Variants in KDM5A observed in about 807,000 individuals in gnomAD.
KDM5A encodes lysine demethylase 5A.
In KDM5A, 42 loss-of-function variants were observed where a neutral mutation model predicts 193.5. That is an observed-to-expected ratio of 0.22 (90% CI 0.17 to 0.28). The LOEUF is 0.28. Among genes scored for constraint, KDM5A ranks in the 10% least tolerant of loss-of-function variants. The pLI, the probability that KDM5A is intolerant of heterozygous loss-of-function variation, is 1.00. For synonymous variants in KDM5A, 796 were observed against 718.1 expected (o/e 1.11, Z -1.73); for missense variants, 1,692 against 2,055.1 (o/e 0.82, Z 3.42).
chr12:328,756 A>G, intron 14 of KDM5A, 79 bp downstream of exon 14: 1 of 1,282,968 alleles, frequency 7.8e-7, no homozygotes, highest in Middle Eastern at 2.6e-4. Context: ...GGGATAAGGG[A>G]TGAAAATTCT....
chr12:325,978 C>T (rs1430956455), intron 14 of KDM5A, among the ~76,000 whole-genome samples: 1 of 152,198 alleles, frequency 6.6e-6, no homozygotes, highest in East Asian at 1.9e-4. Context: ...CGTGCAACTG[C>T]ACTCCAACCT....
At chr12:334,549 C>T (rs1943903619) in intron 10 of KDM5A, 127 bp from the exon 11 acceptor site, 3 of 701,292 alleles carry the variant, frequency 4.3e-6, no homozygotes, top group Non-Finnish European at 2.5e-6. Context: ...ACAATCTGTG[C>T]TCTTTGCTAT....
chr12:312,357 G>C (rs1435586056), intron 20 of KDM5A, among the ~76,000 whole-genome samples: 1 of 152,060 alleles, frequency 6.6e-6, no homozygotes, highest in African/African-American at 2.4e-5. Context: ...CAAACATCTA[G>C]AATAGTAGCA....
intron 3 of KDM5A, among the ~76,000 whole-genome samples, chr12:372,747 T>C (rs865930690): frequency 2.0e-5 from 3 of 152,200 alleles, no homozygotes; most frequent in Non-Finnish European, 4.4e-5. Flanking sequence ...ATAGCTCTTA[T>C]TATTTTGACA....
chr12:300,269 C>T (rs1376732092), intron 24 of KDM5A, among the ~76,000 whole-genome samples: 1 of 152,116 alleles, frequency 6.6e-6, no homozygotes, highest in Non-Finnish European at 1.5e-5. Context: ...CTAAAATTGA[C>T]CCCATAATTG....
At chr12:340,108 A>G (rs893606085) in intron 10 of KDM5A, among the ~76,000 whole-genome samples, 2 of 151,728 alleles carry the variant, frequency 1.3e-5, no homozygotes, top group African/African-American at 4.8e-5. Context: ...GACCTCCTAG[A>G]CTCAAAAGAT....
chr12:350,658 A>T lies in KDM5A; in HGVS notation c.1271T>A (p.Val424Glu). The T allele has an allele frequency of 6.2e-7, 1 of 1,614,072 alleles. No individual in the cohort carries two copies. The highest frequency in any genetic ancestry group is 8.5e-7 in the Non-Finnish European group (1 of 1,179,990). The change falls in exon 10 of 28, where the codon GTG becomes GAG. Residue 424 changes from valine (V) to glutamate (E), a missense_variant. Physicochemically the swap from Val to Glu is moderately radical, Grantham distance 121. This residue lies in a region of KDM5A where 172 missense variants were observed against 260.3 expected (regional missense o/e 0.66). Coordinates refer to ENST00000399788, the MANE Select transcript of KDM5A (RefSeq NM_001042603.3). ...CAGAATCTTTCTCCGCCCATCCTTC[A>T]CCGGAAATCCACTTCCAAAGTCTTT... Reference protein sequence around the residue: ...SSKDFGSGFPVKDGRRKILPE... With the variant: ...SSKDFGSGFPEKDGRRKILPE...
At chr12:339,727 T>TA (rs1296524367) in intron 10 of KDM5A, among the ~76,000 whole-genome samples, 1 of 152,114 alleles carries the variant, frequency 6.6e-6, no homozygotes, top group Non-Finnish European at 1.5e-5. Context: ...CTATGTTACA[T>TA]AAAAAATAAT....
chr12:337,080 T>C (rs1486408408), intron 10 of KDM5A, among the ~76,000 whole-genome samples: 2 of 152,160 alleles, frequency 1.3e-5, no homozygotes, highest in Non-Finnish European at 2.9e-5. Context: ...GTTCTCACAA[T>C]AGTGAGTTCT....
chr12:357,506 A>C (rs1460787789), intron 5 of KDM5A, among the ~76,000 whole-genome samples: 1 of 151,868 alleles, frequency 6.6e-6, no homozygotes, highest in Non-Finnish European at 1.5e-5. Context: ...TGTCTTTAAA[A>C]AAAAAAAGAG....
At position 309,979 on chromosome 12, in the gene KDM5A, C is replaced by CAAAAATAA. The variant is rs1336891511; in HGVS notation, c.3217-16_3217-15insTTATTTTT. On this transcript the variant is annotated splice_polypyrimidine_tract_variant and intron_variant, in intron 21 of 27. Coordinates refer to ENST00000399788, the MANE Select transcript of KDM5A (RefSeq NM_001042603.3). ...GGGCTCAGCACCTACAAAAATAAAA[C>CAAAAATAA]CACCATTATAAACTCTGGTTTTGAA... 6.2e-7 allele frequency: 1 copy of CAAAAATAA among 1,611,426 alleles called. No homozygotes were observed. Among genetic ancestry groups the CAAAAATAA allele is most frequent in the Non-Finnish European group, 8.5e-7 (1 of 1,179,242 alleles).
intron 3 of KDM5A, among the ~76,000 whole-genome samples, chr12:378,931 C>T (rs906605883): frequency 6.8e-6 from 1 of 147,904 alleles, no homozygotes. Flanking sequence ...TGCACTCCAG[C>T]CTGGGTGACA....
intron 4 of KDM5A, among the ~76,000 whole-genome samples, chr12:364,554 G>C (rs945012607): frequency 4.6e-5 from 7 of 151,688 alleles, no homozygotes; most frequent in Admixed American, 1.3e-4. Flanking sequence ...GGGAGGCCGA[G>C]GTGAGTGGAT....
At position 328,954 on chromosome 12, in the gene KDM5A, T is replaced by C. The variant is rs1172124289; in HGVS notation, c.1849A>G (p.Ile617Val). Reference sequence around the variant, plus strand: ...TCTGGATCTGCTGCCATCTTGAAAATTAGTTCCTCGTGTGAAAAGACACAG... The same window carrying C: ...TCTGGATCTGCTGCCATCTTGAAAACTAGTTCCTCGTGTGAAAAGACACAG... ...RHCVFSHEELIFKMAADPECL... is the reference protein window; with the variant it reads ...RHCVFSHEELVFKMAADPECL... The change falls in exon 14 of 28, where the codon ATT (isoleucine) becomes GTT (valine). Residue 617 changes from isoleucine to valine, a missense_variant. Transcript: ENST00000399788. The C allele has an allele frequency of 4.3e-6, 7 of 1,614,112 alleles. No individual in the cohort carries two copies. Among genetic ancestry groups the C allele is most frequent in the Non-Finnish European group, 5.1e-6 (6 of 1,180,044 alleles).
At chr12:343,138 G>A (rs1330004258) in intron 10 of KDM5A, among the ~76,000 whole-genome samples, 3 of 152,186 alleles carry the variant, frequency 2.0e-5, no homozygotes, top group East Asian at 1.9e-4. Flanking sequence ...GCCTGGCTCC[G>A]CAGGTCCCAC....
At chr12:345,713 A>G (rs1944063718) in intron 10 of KDM5A, among the ~76,000 whole-genome samples, 1 of 152,252 alleles carries the variant, frequency 6.6e-6, no homozygotes, top group Middle Eastern at 3.2e-3. Context: ...GTTCTTTGAA[A>G]CAAATGAGAA....
At chr12:326,243 CTT>C (rs1943781830) in intron 14 of KDM5A, among the ~76,000 whole-genome samples, 1 of 152,170 alleles carries the variant, frequency 6.6e-6, no homozygotes, top group African/African-American at 2.4e-5. Flanking sequence ...GACACAGCCT[CTT>C]TCACAGTGAT....
intron 5 of KDM5A, among the ~76,000 whole-genome samples, chr12:361,429 C>T (rs548559008): frequency 1.3e-5 from 2 of 152,228 alleles, no homozygotes; most frequent in East Asian, 3.9e-4. Context: ...CTCCTGAACT[C>T]GTGATCTGCC....
chr12:307,397 T>A lies in KDM5A; in HGVS notation c.3930+57A>T, dbSNP rs1048539289. On this transcript the variant is annotated intron_variant, in intron 23 of 27. Transcript: ENST00000399788. The surrounding 1 kb of genome is among the most constrained non-coding windows in gnomAD (Gnocchi z 4.3). ...AATTGGTAAGACAGACTCAATTTACTATTTATACACTGACATATCCCATGA... is the reference window on the plus strand; with the variant it reads ...AATTGGTAAGACAGACTCAATTTACAATTTATACACTGACATATCCCATGA... 4 of 1,535,808 alleles carry A rather than the reference T, an allele frequency of 2.6e-6. No individual in the cohort carries two copies. The highest frequency in any genetic ancestry group is 3.6e-6 in the Non-Finnish European group (4 of 1,110,966).
Sources: gnomAD v4.1 joint callset for allele counts (sites outside exome capture counted in the v4.1 genomes callset) on GRCh38, gnomAD v4.1.1 for gene constraint, gnomAD v4.1.1 regional missense constraint, Gnocchi (gnomAD v3.1) non-coding constraint, MANE v1.5 for transcripts, NCBI Gene and HGNC (gene_info 2026-07-23, HGNC 2026-07-21) for gene names.